The following SLC4A4 variants were observed in gnomAD, a reference collection of about 807,000 sequenced individuals.
SLC4A4 encodes the protein solute carrier family 4 member 4.
SLC4A4 carries 27 observed loss-of-function variants against 111.5 expected under a neutral mutation model. That is an observed-to-expected ratio of 0.24 (90% CI 0.18 to 0.33). SLC4A4 has a LOEUF of 0.33. Ranked by LOEUF, SLC4A4 falls within the 10% of genes least tolerant of loss-of-function variation. The probability of loss-of-function intolerance (pLI) is 1.00; values close to 1 mark genes in which losing one functional copy is unlikely to be tolerated. For synonymous variants in SLC4A4, 443 were observed against 463.4 expected, an observed-to-expected ratio of 0.96 and a Z score of 0.57; for missense variants, 909 against 1,315.5, an observed-to-expected ratio of 0.69 and a Z score of 4.78.
At chr4:71,201,581 TAATG>T (rs1746253829) in intron 1 of SLC4A4, among the ~76,000 whole-genome samples, 1 of 152,174 alleles carries the variant, frequency 6.6e-6, no homozygotes, top group Non-Finnish European at 1.5e-5. Context: ...TTAAGTAAGT[TAATG>T]AATGTGAAAT....
At chr4:71,198,084 G>T (rs140697453) in intron 1 of SLC4A4, among the ~76,000 whole-genome samples, 1 of 152,184 alleles carries the variant, frequency 6.6e-6, no homozygotes, top group African/African-American at 2.4e-5. Context: ...AAGTGAATGA[G>T]AGTAGAACTT....
chr4:71,182,041 T>A (rs1745310014), intron 2 of SLC4A4, among the ~76,000 whole-genome samples: 1 of 152,224 alleles, frequency 6.6e-6, no homozygotes, highest in Non-Finnish European at 1.5e-5. Flanking sequence ...CATTCCAAGA[T>A]AATGGACATT....
upstream of SLC4A4, chr4:71,187,115 G>A (rs1236862904): frequency 6.6e-6 from 1 of 152,044 alleles, no homozygotes; most frequent in Non-Finnish European, 1.5e-5. Flanking sequence ...ACCCACCCAG[G>A]CGGCAAAGTT....
At chr4:71,511,225 G>A (rs1731884413) in intron 16 of SLC4A4, among the ~76,000 whole-genome samples, 1 of 152,026 alleles carries the variant, frequency 6.6e-6, no homozygotes, top group Admixed American at 6.6e-5. Context: ...ACTTTCAAAT[G>A]TTTTTCAGTT....
At chr4:71,498,101 A>C (rs1396329845) in intron 16 of SLC4A4, among the ~76,000 whole-genome samples, 1 of 152,174 alleles carries the variant, frequency 6.6e-6, no homozygotes, top group Non-Finnish European at 1.5e-5. Flanking sequence ...TGAGTATTTT[A>C]GTACTTGAAT....
At chr4:71,221,356 T>C (rs998905106) in intron 1 of SLC4A4, among the ~76,000 whole-genome samples, 1 of 152,214 alleles carries the variant, frequency 6.6e-6, no homozygotes, top group Non-Finnish European at 1.5e-5. Context: ...TTCCACAATG[T>C]GGACCACTCC....
At chr4:71,367,549 A>T (rs1334718576) in intron 6 of SLC4A4, among the ~76,000 whole-genome samples, 1 of 152,186 alleles carries the variant, frequency 6.6e-6, no homozygotes, top group African/African-American at 2.4e-5. Flanking sequence ...AGGAGGCAAA[A>T]CTTGGCCAGT....
chr4:71,416,045 A>T (rs1447367298), intron 7 of SLC4A4, among the ~76,000 whole-genome samples: 2 of 152,160 alleles, frequency 1.3e-5, no homozygotes, highest in Non-Finnish European at 2.9e-5. Flanking sequence ...AAGAACTGAG[A>T]TTTTCTTCTA....
chr4:71,145,535 C>G (rs1744138878), intron 2 of SLC4A4, among the ~76,000 whole-genome samples: 2 of 152,186 alleles, frequency 1.3e-5, no homozygotes, highest in African/African-American at 4.8e-5. Context: ...CCAGCTCCTC[C>G]TTGTACCTCT....
intron 3 of SLC4A4, among the ~76,000 whole-genome samples, chr4:71,309,661 G>A (rs1725976329): frequency 1.3e-5 from 2 of 152,058 alleles, no homozygotes; most frequent in South Asian, 4.2e-4. Flanking sequence ...CCCACACACA[G>A]AAACCCCATC....
intron 1 of SLC4A4, among the ~76,000 whole-genome samples, chr4:71,221,007 A>G (rs1718714706): frequency 6.6e-6 from 1 of 152,208 alleles, no homozygotes; most frequent in Non-Finnish European, 1.5e-5. Flanking sequence ...GCTGAGGATA[A>G]TAGCCTCCAG....
chr4:71,323,148 A>G (rs1203655437), intron 3 of SLC4A4, among the ~76,000 whole-genome samples: 1 of 152,026 alleles, frequency 6.6e-6, no homozygotes, highest in Non-Finnish European at 1.5e-5. Flanking sequence ...TAGCAACTAA[A>G]AAACCTTAAT....
chr4:71,073,490 T>C lies in SLC4A4; in HGVS notation c.-65+10702T>C, dbSNP rs376545314. Among the ~76,000 whole-genome samples, 3 of 152,314 alleles carry C rather than the reference T, an allele frequency of 2.0e-5. No homozygotes were observed. In the East Asian group the frequency reaches 5.8e-4, roughly 29 times the overall value. On this transcript the variant is annotated intron_variant, in intron 1 of 26. Coordinates refer to the SLC4A4 transcript ENST00000649996. ...CTCATATGTTTGATTCTTTCAAGTA[T>C]TCTGTTCAAATGTACCTTTTCAGTG...
intron 7 of SLC4A4, among the ~76,000 whole-genome samples, chr4:71,433,423 T>G (rs1723824086): frequency 6.6e-6 from 1 of 152,012 alleles, no homozygotes; most frequent in South Asian, 2.1e-4. Context: ...TCCTGCAGCA[T>G]TAACCTGTCT....
intron 2 of SLC4A4, among the ~76,000 whole-genome samples, chr4:71,156,705 A>G (rs546280370): frequency 2.9e-4 from 44 of 152,194 alleles, no homozygotes; most frequent in African/African-American, 9.6e-4. Flanking sequence ...AAGATACATA[A>G]CATAACAGCC....
intron 18 of SLC4A4, among the ~76,000 whole-genome samples, chr4:71,542,310 A>T (rs1331447005): frequency 1.3e-5 from 2 of 151,996 alleles, no homozygotes; most frequent in African/African-American, 4.8e-5. Flanking sequence ...TCAAACCTGG[A>T]TTATAACAGT....
intron 14 of SLC4A4, among the ~76,000 whole-genome samples, chr4:71,475,327 A>G (rs1478883636): frequency 6.6e-6 from 1 of 151,888 alleles, no homozygotes; most frequent in East Asian, 1.9e-4. Context: ...AGGTAACATG[A>G]AACCAAGGAA....
intron 3 of SLC4A4, among the ~76,000 whole-genome samples, chr4:71,302,598 G>A (rs144225011): frequency 1.6e-3 from 237 of 152,300 alleles, no homozygotes; most frequent in Admixed American, 4.4e-3. Context: ...TTTGATGTGC[G>A]CTACCTGCAG....
rs373789542 is a variant in SLC4A4, at chr4:71,440,789, A to C, written c.965+16A>C. The C allele has an allele frequency of 4.1e-4, 660 of 1,613,634 alleles. 1 individual carries two copies. The highest frequency in any genetic ancestry group is 5.1e-4 in the Non-Finnish European group (603 of 1,179,888). On this transcript the variant is annotated intron_variant, in intron 8 of 25. Transcript: ENST00000264485. The stretch of plus-strand genomic sequence containing the variant: ...TGCCCACAAGGTAAGCTGCTCTCCT[A>C]CCTGGGGTCTACAATGTGCTAATAG...
Sources: allele counts gnomAD v4.1 joint callset (sites outside exome capture counted in the v4.1 genomes callset), GRCh38; gene constraint gnomAD v4.1.1; transcripts MANE v1.5; gene names NCBI Gene and HGNC (gene_info 2026-07-23, HGNC 2026-07-21).